Variants in ADAMTS9 observed in about 807,000 individuals in gnomAD.
ADAMTS9 encodes ADAM metallopeptidase with thrombospondin type 1 motif 9.
In ADAMTS9, 107 loss-of-function variants were observed where a neutral mutation model predicts 257.1. That is an observed-to-expected ratio of 0.42 (90% confidence interval 0.36 to 0.49). The LOEUF is 0.49. Ranked by LOEUF, ADAMTS9 falls within the 20% of genes least tolerant of loss-of-function variation. ADAMTS9 has a pLI of 0.03. For synonymous variants in ADAMTS9, 982 were observed against 880.9 expected (o/e 1.11, Z -2.03); for missense variants, 2,353 against 2,469.1 (o/e 0.95, Z 1.00).
At chr3:64,648,489 C>G (rs1371159537) in intron 10 of ADAMTS9, among the ~76,000 whole-genome samples, 1 of 152,228 alleles carries the variant, frequency 6.6e-6, no homozygotes, top group Admixed American at 6.5e-5. Flanking sequence ...TCTTCCTCCT[C>G]TAAACACTCT....
intron 30 of ADAMTS9, among the ~76,000 whole-genome samples, chr3:64,560,447 C>T (rs1015479582): frequency 3.9e-5 from 6 of 152,228 alleles, no homozygotes; most frequent in Admixed American, 2.0e-4. Context: ...CAGGGCTGGG[C>T]GGCTGAATCC....
chr3:64,574,559 C>CCA (rs2083781661), intron 28 of ADAMTS9, among the ~76,000 whole-genome samples: 1 of 80,776 alleles, frequency 1.2e-5, no homozygotes, highest in Non-Finnish European at 2.8e-5. Flanking sequence ...CCCATCTCTA[C>CCA]AAAAAAAAAA....
chr3:64,670,158 C>T (rs1187856351), intron 3 of ADAMTS9, among the ~76,000 whole-genome samples: 2 of 152,160 alleles, frequency 1.3e-5, no homozygotes, highest in African/African-American at 2.4e-5. Context: ...GTCCCTCTGG[C>T]TCTCTCTTTC....
At chr3:64,557,611 C>T (rs141523796) in intron 30 of ADAMTS9, among the ~76,000 whole-genome samples, 3 of 152,160 alleles carry the variant, frequency 2.0e-5, no homozygotes, top group South Asian at 2.1e-4. Context: ...GGAAGGCCAC[C>T]GTACTAAAAA....
chr3:64,541,152 C>T lies in ADAMTS9; in HGVS notation c.5464G>A (p.Ala1822Thr), dbSNP rs748005663. 34 of 1,614,078 alleles carry T rather than the reference C, an allele frequency of 2.1e-5. No individual in the cohort carries two copies. In the African/African-American group the frequency reaches 2.1e-4, roughly 10 times the overall value. The change falls in exon 36 of 40, where the codon GCT (alanine) becomes ACT (threonine). Residue 1822 changes from alanine to threonine, a missense_variant. This residue lies in a region of ADAMTS9 where 1,402 missense variants were observed against 1,441.4 expected (regional missense o/e 0.97). Transcript: ENST00000498707. ...DCQCRKDYTA[A>T]GFSSFQKIRI... ...ATTTTCTGAAAACTGGAAAACCCAG[C>T]GGCCGTGTAATCCTTCCGACATTGG... is the stretch of plus-strand genomic sequence containing the variant.
chr3:64,541,442 A>G, intron 34 of ADAMTS9, 28 bp from the exon 35 acceptor site: 3 of 1,612,338 alleles, frequency 1.9e-6, no homozygotes, highest in Non-Finnish European at 2.5e-6. Flanking sequence ...ACCCATGAAG[A>G]GTGGCTCAGA....
chr3:64,561,826 C>A, intron 29 of ADAMTS9, 75 bp from the exon 30 acceptor site: 1 of 1,362,864 alleles, frequency 7.3e-7, no homozygotes, highest in Non-Finnish European at 1.0e-6. Context: ...TCGAGGGTCA[C>A]AGAGGAGGGG....
Position 64,545,083 on chromosome 3 carries a change from G to A in ADAMTS9, c.5064+1675C>T, listed in dbSNP as rs551267373. 3.3e-5 allele frequency among the ~76,000 whole-genome samples: 5 copies of A among 152,288 alleles called. No individual in the cohort carries two copies. The East Asian group carries it at 5.8e-4, about 18-fold the overall frequency. The stretch of plus-strand genomic sequence containing the variant: ...ATACCATCTCACACCAGTTAGAATG[G>A]CGATTATTAAAAAGTCAGGGAACAA... On this transcript the variant is annotated intron_variant, in intron 32 of 39. Coordinates refer to ENST00000498707, the MANE Select transcript of ADAMTS9 (RefSeq NM_182920.2).
chr3:64,626,889 G>C (rs1439158993), intron 16 of ADAMTS9, among the ~76,000 whole-genome samples: 1 of 152,110 alleles, frequency 6.6e-6, no homozygotes, highest in Admixed American at 6.6e-5. Flanking sequence ...TGCAGCTCCT[G>C]CAGCGCGAGA....
At chr3:64,678,769 T>C (rs1010700713) in intron 3 of ADAMTS9, among the ~76,000 whole-genome samples, 8 of 152,204 alleles carry the variant, frequency 5.3e-5, no homozygotes, top group Non-Finnish European at 8.8e-5. Context: ...ATTCCTCTGA[T>C]ACCTGCTGGT....
At position 64,634,040 on chromosome 3, in the gene ADAMTS9, G is replaced by A. The variant is rs1008173057; in HGVS notation, c.1857-161C>T. ...GCTCTGATCCCTGGTTTTGCATCCT[G>A]CCTTCAATACCATGATGTGTATAAC... is the stretch of plus-strand genomic sequence containing the variant. On this transcript the variant is annotated intron_variant, in intron 12 of 39. Coordinates refer to ENST00000498707, the MANE Select transcript of ADAMTS9 (RefSeq NM_182920.2). Among the ~76,000 whole-genome samples, 49 of 151,960 alleles carry A rather than the reference G, an allele frequency of 3.2e-4. 1 individual carries two copies. Among genetic ancestry groups the A allele is most frequent in the African/African-American group, 1.2e-3 (49 of 41,368 alleles).
In ADAMTS9 at chr3:64,658,897, T is replaced by C. The variant is rs960193379; in HGVS notation, c.680-106A>G. The stretch of plus-strand genomic sequence containing the variant: ...TTGATCCCTCTGTGGTCAAACTACA[T>C]ACAAAAACAAGTCCTCCATGGACTC... On this transcript the variant is annotated intron_variant, in intron 3 of 39. Coordinates refer to ENST00000498707, the MANE Select transcript of ADAMTS9 (RefSeq NM_182920.2). The C allele has an allele frequency of 1.0e-5, 13 of 1,246,000 alleles. No individual in the cohort carries two copies. In the African/African-American group the frequency reaches 1.4e-4, roughly 13 times the overall value. The allele number at this position is 1,246,000 out of a possible 1,614,324, so 77.2% of individuals were successfully genotyped here.
At chr3:64,523,991 T>G (rs1043775608) in intron 38 of ADAMTS9, among the ~76,000 whole-genome samples, 3 of 152,196 alleles carry the variant, frequency 2.0e-5, no homozygotes, top group African/African-American at 7.2e-5. Context: ...AAGGCAAAAC[T>G]GTTCTTATAG....
Position 64,525,704 on chromosome 3 carries a change from G to T in ADAMTS9, c.5719-3444C>A, listed in dbSNP as rs190058459. On this transcript the variant is annotated intron_variant, in intron 38 of 39. Coordinates refer to ENST00000498707, the MANE Select transcript of ADAMTS9 (RefSeq NM_182920.2). ...CAGCTCACTGCAACCTCCACCTCCC[G>T]GGTTCAAGCGATTCTCCTGACTCAG... 6.0e-3 allele frequency among the ~76,000 whole-genome samples: 911 copies of T among 151,828 alleles called. 4 individuals are homozygous for T. Among genetic ancestry groups the T allele is most frequent in the African/African-American group, 0.021 (887 of 41,470 alleles).
chr3:64,572,652 T>A (rs1277945143), intron 28 of ADAMTS9, among the ~76,000 whole-genome samples: 1 of 152,040 alleles, frequency 6.6e-6, no homozygotes, highest in Non-Finnish European at 1.5e-5. Flanking sequence ...CAAGATGGAT[T>A]TCTACACAGA....
chr3:64,539,681 C>T (rs1310047900), intron 36 of ADAMTS9, among the ~76,000 whole-genome samples: 1 of 152,114 alleles, frequency 6.6e-6, no homozygotes, highest in Non-Finnish European at 1.5e-5. Context: ...AGGCTTCAGG[C>T]CAGGGGGAAA....
chr3:64,633,923 T>G (rs373953171), intron 12 of ADAMTS9, 44 bp from the exon 13 acceptor site: 1 of 1,518,258 alleles, frequency 6.6e-7, no homozygotes, highest in Non-Finnish European at 9.0e-7. Flanking sequence ...TGTATTATCA[T>G]GTATTCCTCT....
intron 38 of ADAMTS9, among the ~76,000 whole-genome samples, chr3:64,525,672 G>A (rs1053750878): frequency 2.6e-5 from 4 of 151,860 alleles, no homozygotes; most frequent in Non-Finnish European, 5.9e-5. Flanking sequence ...GTGCAATGGC[G>A]CAATGTCAGC....
In ADAMTS9 at chr3:64,553,129, T is replaced by A. The variant is rs1399575696; in HGVS notation, c.4699-2067A>T. The stretch of plus-strand genomic sequence containing the variant: ...GGCCTTTAGGACATTTGCAATATTA[T>A]GCAACCATCACCCCATCTAGTTCCA... On this transcript the variant is annotated intron_variant, in intron 30 of 39. Coordinates refer to ENST00000498707, the MANE Select transcript of ADAMTS9 (RefSeq NM_182920.2). 3.9e-5 allele frequency among the ~76,000 whole-genome samples: 6 copies of A among 152,192 alleles called. No individual in the cohort carries two copies. In the East Asian group the frequency reaches 1.2e-3, roughly 29 times the overall value.
Sources: allele counts gnomAD v4.1 joint callset (sites outside exome capture counted in the v4.1 genomes callset), GRCh38; gene constraint gnomAD v4.1.1; regional missense constraint gnomAD v4.1.1; transcripts MANE v1.5; gene names NCBI Gene and HGNC (gene_info 2026-07-23, HGNC 2026-07-21).